The following IQSEC1 variants were observed in gnomAD, a reference collection of about 807,000 sequenced individuals.
The protein encoded by IQSEC1 is IQ motif and Sec7 domain ArfGEF 1.
A neutral mutation model predicts 91.0 loss-of-function variants in IQSEC1; 31 were observed. That is an observed-to-expected ratio of 0.34 (90% CI 0.26 to 0.46). IQSEC1 has a LOEUF of 0.46. Ranked by LOEUF, IQSEC1 falls within the 20% of genes least tolerant of loss-of-function variation. The pLI is 1.00. For synonymous variants in IQSEC1, 699 were observed against 662.6 expected, an observed-to-expected ratio of 1.05 and a Z score of -0.84; for missense variants, 1,388 against 1,575.6, an observed-to-expected ratio of 0.88 and a Z score of 2.02.
In IQSEC1 at chr3:13,174,309, G is replaced by T. The variant is rs185967892; in HGVS notation, c.273-10176C>A. Among the ~76,000 whole-genome samples, 3 of 152,290 alleles carry T rather than the reference G, an allele frequency of 2.0e-5. No individual in the cohort carries two copies. The East Asian group carries it at 5.8e-4, about 29-fold the overall frequency. ...TTGTCCTCTGGGTCAGCAAGAGGCT[G>T]CACTGCCCCGGGAGTCCACATTGGC... On this transcript the variant is annotated intron_variant, in intron 1 of 15. Coordinates refer to the IQSEC1 transcript ENST00000648114.
chr3:13,048,768 CGAATCCCCA>C lies in IQSEC1; in HGVS notation c.23+24215_23+24223del, dbSNP rs1204687342. ...TGGTAGATCCTATGTTCAGCAGATTCGAATCCCCAATGCCAGGCCCTGCTCCACACGCCA... is the reference window on the plus strand; with the variant it reads ...TGGTAGATCCTATGTTCAGCAGATTCATGCCAGGCCCTGCTCCACACGCCA... On this transcript the variant is annotated intron_variant, in intron 1 of 13. Coordinates refer to ENST00000613206, the MANE Select transcript of IQSEC1 (RefSeq NM_001134382.3). 6.6e-5 allele frequency among the ~76,000 whole-genome samples: 10 copies of C among 152,310 alleles called. No individual in the cohort carries two copies. The East Asian group carries it at 1.7e-3, about 26-fold the overall frequency.
intron 1 of IQSEC1, among the ~76,000 whole-genome samples, chr3:13,215,543 A>G (rs1169256948): frequency 1.3e-5 from 2 of 152,192 alleles, no homozygotes; most frequent in Admixed American, 1.3e-4. Context: ...AGCTCTCTGC[A>G]CATTTGAGAG....
chr3:13,106,253 C>T (rs534532383), intron 2 of IQSEC1, among the ~76,000 whole-genome samples: 1 of 152,296 alleles, frequency 6.6e-6, no homozygotes, highest in Admixed American at 6.5e-5. Flanking sequence ...CCCCTCCCCT[C>T]CCCAGCACCT....
intron 1 of IQSEC1, among the ~76,000 whole-genome samples, chr3:13,037,651 T>A (rs1704085930): frequency 6.6e-6 from 1 of 152,186 alleles, no homozygotes; most frequent in African/African-American, 2.4e-5. Flanking sequence ...CAAAACGTGG[T>A]CCATACTTAT....
intron 2 of IQSEC1, among the ~76,000 whole-genome samples, chr3:13,129,791 G>A (rs1478097451): frequency 6.6e-6 from 1 of 150,996 alleles, no homozygotes; most frequent in African/African-American, 2.4e-5. Flanking sequence ...CCGAGTAGCT[G>A]GGACTACAGG....
At chr3:13,248,371 CCCCACCTCCCACCTGACT>C (rs1357124125) in intron 1 of IQSEC1, among the ~76,000 whole-genome samples, 1 of 152,222 alleles carries the variant, frequency 6.6e-6, no homozygotes, top group African/African-American at 2.4e-5. Context: ...CTGGCCTCAT[CCCCACCTCCCACCTGACT>C]CCCACCTGTG....
chr3:13,135,565 A>G (rs893181583), intron 2 of IQSEC1, among the ~76,000 whole-genome samples: 2 of 152,226 alleles, frequency 1.3e-5, no homozygotes, highest in Admixed American at 1.3e-4. Context: ...TTTTCTGATG[A>G]AGACAGGGCT....
chr3:13,176,395 A>AG (rs34035314), intron 1 of IQSEC1, among the ~76,000 whole-genome samples: 2,541 of 152,006 alleles, frequency 0.017, 73 homozygotes, highest in African/African-American at 0.057. Context: ...TTGACTCTCC[A>AG]GACCCCATGA....
chr3:13,033,054 T>C (rs1292377682), intron 1 of IQSEC1, among the ~76,000 whole-genome samples: 1 of 152,028 alleles, frequency 6.6e-6, no homozygotes, highest in Non-Finnish European at 1.5e-5. Context: ...AACAACAGCC[T>C]GTGTTTATTT....
At chr3:13,281,256 G>A (rs62232797) in intron 1 of IQSEC1, among the ~76,000 whole-genome samples, 27,858 of 152,100 alleles carry the variant, frequency 0.18, 3,613 homozygotes, top group East Asian at 0.4. Flanking sequence ...GACCAGCTCC[G>A]GGAGACCCAC....
At chr3:13,149,594 C>T (rs1385428157) in intron 2 of IQSEC1, among the ~76,000 whole-genome samples, 1 of 152,130 alleles carries the variant, frequency 6.6e-6, no homozygotes, top group Admixed American at 6.5e-5. Flanking sequence ...GGAAATCCGG[C>T]TCCTCTATTG....
chr3:13,154,442 T>TACACAC (rs1559265478), intron 2 of IQSEC1, among the ~76,000 whole-genome samples: 1 of 82,106 alleles, frequency 1.2e-5, no homozygotes, highest in Non-Finnish European at 2.4e-5. Context: ...TACATGCATA[T>TACACAC]ATATATATAT....
intron 2 of IQSEC1, among the ~76,000 whole-genome samples, chr3:13,111,064 C>T (rs1471600791): frequency 6.6e-6 from 1 of 152,212 alleles, no homozygotes; most frequent in Non-Finnish European, 1.5e-5. Flanking sequence ...CAGCAAAGTG[C>T]GCCAGAGAGT....
At chr3:13,056,514 A>T (rs1576221582) in intron 1 of IQSEC1, among the ~76,000 whole-genome samples, 1 of 152,056 alleles carries the variant, frequency 6.6e-6, no homozygotes, top group African/African-American at 2.4e-5. Context: ...TCTTATTCCC[A>T]TTTTACATAT....
chr3:12,950,511 T>G (rs1421088282), intron 1 of IQSEC1, among the ~76,000 whole-genome samples: 2 of 152,102 alleles, frequency 1.3e-5, no homozygotes, highest in Non-Finnish European at 2.9e-5. Flanking sequence ...CACAAAACAT[T>G]TTTTAAAAAT....
At chr3:13,280,160 T>A (rs1004206997) in intron 1 of IQSEC1, among the ~76,000 whole-genome samples, 2 of 152,230 alleles carry the variant, frequency 1.3e-5, no homozygotes, top group African/African-American at 4.8e-5. Flanking sequence ...TGTCCCATGG[T>A]CACCGGCTGG....
intron 2 of IQSEC1, among the ~76,000 whole-genome samples, chr3:13,129,021 C>T (rs951626714): frequency 6.6e-6 from 1 of 152,094 alleles, no homozygotes; most frequent in Non-Finnish European, 1.5e-5. Flanking sequence ...AATATTCTCT[C>T]CTTTTCAATT....
chr3:13,227,332 C>T (rs528672242), intron 1 of IQSEC1, among the ~76,000 whole-genome samples: 4 of 127,926 alleles, frequency 3.1e-5, no homozygotes, highest in Non-Finnish European at 6.2e-5. Context: ...GCCGAGATTG[C>T]GCCATTGCAT....
intron 1 of IQSEC1, among the ~76,000 whole-genome samples, chr3:13,240,490 C>T (rs1259363574): frequency 1.3e-5 from 2 of 152,200 alleles, no homozygotes; most frequent in African/African-American, 4.8e-5. Context: ...AGGAACCCAA[C>T]AGCAAGGGAG....
Sources: gnomAD v4.1 joint callset for allele counts (sites outside exome capture counted in the v4.1 genomes callset) on GRCh38, gnomAD v4.1.1 for gene constraint, MANE v1.5 for transcripts, NCBI Gene and HGNC (gene_info 2026-07-23, HGNC 2026-07-21) for gene names.